The following NBEA variants were observed in gnomAD, a reference collection of about 807,000 sequenced individuals.
NBEA encodes lysosomal-trafficking regulator 2.
In NBEA, 44 loss-of-function variants were observed where a neutral mutation model predicts 343.4. The ratio of observed to expected loss-of-function variants is 0.13; its 90% CI spans 0.10 to 0.16. NBEA has a LOEUF of 0.16. NBEA is among the 10% of genes least tolerant of loss of function. The pLI is 1.00. For missense variants in NBEA, 2,555 were observed against 3,631.3 expected, an observed-to-expected ratio of 0.70 and a Z score of 7.62; for synonymous variants, 1,175 against 1,238.7, an observed-to-expected ratio of 0.95 and a Z score of 1.08.
intron 34 of NBEA, among the ~76,000 whole-genome samples, chr13:35,254,817 T>C (rs920763453): frequency 3.3e-5 from 5 of 152,120 alleles, no homozygotes; most frequent in African/African-American, 1.2e-4. Context: ...CATTGTTATA[T>C]CCAAAATTTC....
chr13:35,581,251 G>A (rs1036560637), intron 45 of NBEA, among the ~76,000 whole-genome samples: 3 of 152,024 alleles, frequency 2.0e-5, no homozygotes, highest in African/African-American at 7.2e-5. Context: ...GTGTAAAAGT[G>A]TTCCTATTTC....
chr13:34,991,090 G>T (rs1342930923), intron 1 of NBEA, among the ~76,000 whole-genome samples: 2 of 152,110 alleles, frequency 1.3e-5, no homozygotes, highest in Non-Finnish European at 2.9e-5. Flanking sequence ...TCAGCATTTT[G>T]GTAACAACAG....
chr13:35,585,323 C>T (rs1425480646), intron 46 of NBEA, among the ~76,000 whole-genome samples: 1 of 152,058 alleles, frequency 6.6e-6, no homozygotes, highest in African/African-American at 2.4e-5. Flanking sequence ...CATCACTTTA[C>T]TGAACTGTTT....
At position 35,507,357 on chromosome 13, in the gene NBEA, A is replaced by T. The variant is rs570159799; in HGVS notation, c.6585+34821A>T. On this transcript the variant is annotated intron_variant, in intron 41 of 58. Transcript: ENST00000379939. Reference sequence around the variant, plus strand: ...CTCTCCTGGTAATCTTATGGCTTAAATATCCTCCATATACTGAAAACTCCA... The same window carrying T: ...CTCTCCTGGTAATCTTATGGCTTAATTATCCTCCATATACTGAAAACTCCA... 7.2e-5 allele frequency among the ~76,000 whole-genome samples: 11 copies of T among 152,076 alleles called. No individual in the cohort carries two copies. In the South Asian group the frequency reaches 2.1e-3, roughly 29 times the overall value.
Position 35,182,419 on chromosome 13 carries a change from G to A in NBEA, c.4722G>A (p.Leu1574=), listed in dbSNP as rs1198537404. The part of the protein sequence containing the change: ...ALAVVYFISV[L]MVSKYRDILE... ...CTGTTGTTTACTTCATTTCGGTTCT[G>A]ATGGTTTCCAAGTATCGTGACATAT... The change falls in exon 29 of 59, where the codon CTG becomes CTA. Residue 1574 remains leucine (L), a synonymous_variant. Coordinates refer to ENST00000379939, the MANE Select transcript of NBEA (RefSeq NM_001385012.1). The A allele has an allele frequency of 6.2e-7, 1 of 1,610,868 alleles. No homozygotes were observed. Among genetic ancestry groups the A allele is most frequent in the East Asian group, 2.2e-5 (1 of 44,662 alleles).
chr13:35,113,627 A>ATCTG (rs1555307508), intron 13 of NBEA, among the ~76,000 whole-genome samples: 2,865 of 150,674 alleles, frequency 0.019, 91 homozygotes, highest in African/African-American at 0.066. Context: ...CTATCTATCT[A>ATCTG]TCTGTCTGTC....
Position 35,667,579 on chromosome 13 carries a change from G to T in NBEA, c.8661+9G>T, listed in dbSNP as rs372665867. The T allele has an allele frequency of 6.2e-7, 1 of 1,612,098 alleles. No individual in the cohort carries two copies. Among genetic ancestry groups the T allele is most frequent in the African/African-American group, 1.3e-5 (1 of 74,874 alleles). On this transcript the variant is annotated intron_variant, in intron 57 of 58. Transcript: ENST00000379939. ...TCAATGATTCAACACGGGTAAATCTGCATAGTTCGTGCTAAGTAGGACTGA... is the reference window on the plus strand; with the variant it reads ...TCAATGATTCAACACGGGTAAATCTTCATAGTTCGTGCTAAGTAGGACTGA...
chr13:35,660,729 C>T (rs1377845676), intron 55 of NBEA, among the ~76,000 whole-genome samples: 1 of 152,306 alleles, frequency 6.6e-6, no homozygotes, highest in African/African-American at 2.4e-5. Flanking sequence ...CTGCCACTAA[C>T]CAGTGCTATT....
rs1222387936 is a variant in NBEA, at chr13:35,629,309, A to AT, written c.7617+1067dup. On this transcript the variant is annotated intron_variant, in intron 49 of 58. Coordinates refer to ENST00000379939, the MANE Select transcript of NBEA (RefSeq NM_001385012.1). Reference sequence around the variant, plus strand: ...CTCCAGCCAGTGGAATGCTTTTCTTATTTTTTATTTTAAAGGTGGAAAACT... The same window carrying AT: ...CTCCAGCCAGTGGAATGCTTTTCTTATTTTTTTATTTTAAAGGTGGAAAACT... Among the ~76,000 whole-genome samples the AT allele has an allele frequency of 2.0e-5, 3 of 152,260 alleles. No homozygotes were observed. In the East Asian group the frequency reaches 5.8e-4, roughly 29 times the overall value.
At chr13:35,167,323 G>A (rs2152718873) in intron 24 of NBEA, among the ~76,000 whole-genome samples, 1 of 151,966 alleles carries the variant, frequency 6.6e-6, no homozygotes, top group East Asian at 1.9e-4. Context: ...GATGAGTACA[G>A]TAATTTATAC....
intron 41 of NBEA, among the ~76,000 whole-genome samples, chr13:35,491,550 C>T (rs1265439836): frequency 1.3e-5 from 2 of 151,866 alleles, no homozygotes; most frequent in Non-Finnish European, 2.9e-5. Context: ...TTTGACTCCT[C>T]GCTTGCTTGT....
In NBEA at chr13:35,123,507, A is replaced by G. The variant is rs749500331; in HGVS notation, c.2269A>G (p.Lys757Glu). ...GGTGATCTACAAATTATTGGCTTCT[A>G]AAAGTGAAAGTATTTGGGTTCAAGC... Reference protein sequence around the residue: ...IRVIYKLLASKSESIWVQALK... With the variant: ...IRVIYKLLASESESIWVQALK... Residue 757 changes from lysine to glutamate, a missense_variant, in exon 17 of 59, where the codon AAA (lysine) becomes GAA (glutamate). Transcript: ENST00000379939. 5 of 1,532,298 alleles carry G rather than the reference A, an allele frequency of 3.3e-6. No homozygotes were observed. Among genetic ancestry groups the G allele is most frequent in the Non-Finnish European group, 4.4e-6 (5 of 1,134,220 alleles). 94.9% of individuals were successfully genotyped at this position (1,532,298 alleles called of 1,614,324 possible).
At chr13:35,515,344 T>C (rs998660830) in intron 41 of NBEA, among the ~76,000 whole-genome samples, 1 of 152,164 alleles carries the variant, frequency 6.6e-6, no homozygotes, top group African/African-American at 2.4e-5. Context: ...TGCATTTTAA[T>C]GCATCTGGCA....
intron 1 of NBEA, among the ~76,000 whole-genome samples, chr13:34,966,698 T>C (rs542816964): frequency 4.0e-5 from 6 of 151,500 alleles, no homozygotes; most frequent in African/African-American, 1.5e-4. Flanking sequence ...GAAAATGAGG[T>C]AAATGATGTT....
intron 1 of NBEA, among the ~76,000 whole-genome samples, chr13:34,980,596 G>A (rs1424941583): frequency 6.6e-6 from 1 of 151,972 alleles, no homozygotes; most frequent in African/African-American, 2.4e-5. Context: ...TAAGTAATGA[G>A]GGCTCTGCCT....
At chr13:35,446,297 A>G (rs1457359245) in intron 39 of NBEA, among the ~76,000 whole-genome samples, 1 of 152,132 alleles carries the variant, frequency 6.6e-6, no homozygotes, top group Non-Finnish European at 1.5e-5. Context: ...GTGTCTTTAT[A>G]GCAGCATGAT....
rs5802761 is a variant in NBEA at position 35,308,438 on chromosome 13, CTATATATATATATATATATATATA to C, written c.5839-1078_5839-1055del. 2.6e-4 allele frequency among the ~76,000 whole-genome samples: 23 copies of C among 88,930 alleles called. 1 individual carries two copies. Among genetic ancestry groups the C allele is most frequent in the African/African-American group, 1.0e-3 (21 of 21,038 alleles). The allele number at this position is 88,930 out of a possible 152,430, so 58.3% of individuals were successfully genotyped here. Reference sequence around the variant, plus strand: ...TTTCAATCCAAAACACTGCTATTTACTATATATATATATATATATATATATATATATATATGTATATATATATGT... The same window carrying C: ...TTTCAATCCAAAACACTGCTATTTACTATATATATATGTATATATATATGT... On this transcript the variant is annotated intron_variant, in intron 35 of 58. Transcript: ENST00000379939.
chr13:35,385,154 G>T (rs2152895016), intron 38 of NBEA, among the ~76,000 whole-genome samples: 1 of 152,200 alleles, frequency 6.6e-6, no homozygotes, highest in East Asian at 1.9e-4. Flanking sequence ...TTCTAAAATA[G>T]TTCAGCTTTT....
At chr13:35,146,927 G>A (rs1260364873) in intron 18 of NBEA, among the ~76,000 whole-genome samples, 1 of 152,086 alleles carries the variant, frequency 6.6e-6, no homozygotes, top group Admixed American at 6.5e-5. Context: ...GGTGCTGACT[G>A]GCTGATAAAG....
Sources: gnomAD v4.1 joint callset for allele counts (sites outside exome capture counted in the v4.1 genomes callset) on GRCh38, gnomAD v4.1.1 for gene constraint, MANE v1.5 for transcripts, NCBI Gene and HGNC (gene_info 2026-07-23, HGNC 2026-07-21) for gene names.